The following NRP1 variants were observed in gnomAD, a reference collection of about 807,000 sequenced individuals.
NRP1 encodes neuropilin-1.
A neutral mutation model predicts 106.7 loss-of-function variants in NRP1; 35 were observed. The observed-to-expected ratio is 0.33, with a 90% CI of 0.25 to 0.43. The LOEUF (loss-of-function observed/expected upper bound fraction) is 0.43, where lower values mean the gene tolerates loss of function less well. Ranked by LOEUF, NRP1 falls within the 20% of genes least tolerant of loss-of-function variation. The pLI, the probability that NRP1 is intolerant of heterozygous loss-of-function variation, is 1.00. For synonymous variants in NRP1, 437 were observed against 417.9 expected, an observed-to-expected ratio of 1.05 and a Z score of -0.56; for missense variants, 1,024 against 1,170.4, an observed-to-expected ratio of 0.87 and a Z score of 1.83.
At chr10:33,304,539 A>T (rs1252740367) in intron 2 of NRP1, among the ~76,000 whole-genome samples, 1 of 152,186 alleles carries the variant, frequency 6.6e-6, no homozygotes, top group Non-Finnish European at 1.5e-5. Flanking sequence ...GCACTAGGGC[A>T]CCAGAACCCC....
intron 2 of NRP1, among the ~76,000 whole-genome samples, chr10:33,312,800 G>A (rs917676141): frequency 6.6e-6 from 1 of 151,950 alleles, no homozygotes; most frequent in African/African-American, 2.4e-5. Context: ...ATTCCTTTGT[G>A]GTTTTTTTTT....
intron 2 of NRP1, among the ~76,000 whole-genome samples, chr10:33,298,292 C>T (rs554769633): frequency 3.3e-5 from 5 of 152,264 alleles, no homozygotes; most frequent in East Asian, 1.9e-4. Context: ...ACTGCCAGGG[C>T]GTAGAGAGTC....
intron 6 of NRP1, among the ~76,000 whole-genome samples, chr10:33,250,472 G>A (rs933414561): frequency 6.6e-6 from 1 of 152,200 alleles, no homozygotes; most frequent in Non-Finnish European, 1.5e-5. Flanking sequence ...GAGCAGCAAA[G>A]TCCCTGCATT....
At chr10:33,249,787 C>T (rs1005418468) in intron 6 of NRP1, among the ~76,000 whole-genome samples, 8 of 152,244 alleles carry the variant, frequency 5.3e-5, no homozygotes, top group South Asian at 2.1e-4. Flanking sequence ...ACTTCCTTCA[C>T]GCTCCTTCTC....
At chr10:33,249,248 G>A (rs986565654) in intron 6 of NRP1, among the ~76,000 whole-genome samples, 6 of 151,906 alleles carry the variant, frequency 3.9e-5, no homozygotes, top group Non-Finnish European at 7.4e-5. Flanking sequence ...AATAATTAAC[G>A]AATTAAATTC....
intron 2 of NRP1, among the ~76,000 whole-genome samples, chr10:33,278,795 T>G (rs1423916638): frequency 2.0e-5 from 3 of 152,144 alleles, no homozygotes; most frequent in Admixed American, 2.0e-4. Context: ...ATCTCACACA[T>G]TAAAAATGTA....
intron 2 of NRP1, among the ~76,000 whole-genome samples, chr10:33,271,293 A>G (rs1843297653): frequency 6.6e-6 from 1 of 152,178 alleles, no homozygotes; most frequent in Non-Finnish European, 1.5e-5. Flanking sequence ...GCTCTCTATG[A>G]ACAATACTTT....
intron 2 of NRP1, among the ~76,000 whole-genome samples, chr10:33,319,285 TG>T (rs1475498879): frequency 6.6e-6 from 1 of 151,734 alleles, no homozygotes; most frequent in East Asian, 2.0e-4. Flanking sequence ...GGATTACAGG[TG>T]TGAGTCACCG....
Position 33,294,819 on chromosome 10 carries a change from A to G in NRP1, c.249-23963T>C, listed in dbSNP as rs186047232. ...CCTTCGTTTCCTCATCTGCAACCTA[A>G]GGGGATTACCCTAGAAGATCTCTAA... On this transcript the variant is annotated intron_variant, in intron 2 of 16. Coordinates refer to ENST00000374867, the MANE Select transcript of NRP1 (RefSeq NM_003873.7). Among the ~76,000 whole-genome samples, 12 of 152,206 alleles carry G rather than the reference A, an allele frequency of 7.9e-5. No individual in the cohort carries two copies. The East Asian group carries it at 2.1e-3, about 27-fold the overall frequency.
chr10:33,240,764 C>T (rs968234851), intron 6 of NRP1, among the ~76,000 whole-genome samples: 2 of 152,068 alleles, frequency 1.3e-5, no homozygotes, highest in African/African-American at 4.8e-5. Context: ...AGATTAAAGT[C>T]GGCTGCCAGC....
intron 2 of NRP1, among the ~76,000 whole-genome samples, chr10:33,304,640 C>A (rs1359751857): frequency 6.6e-6 from 1 of 152,114 alleles, no homozygotes; most frequent in Non-Finnish European, 1.5e-5. Context: ...TCCTTATGTT[C>A]TCTGGGGGAT....
intron 6 of NRP1, among the ~76,000 whole-genome samples, chr10:33,251,581 C>T (rs1841861940): frequency 6.6e-6 from 1 of 152,166 alleles, no homozygotes; most frequent in South Asian, 2.1e-4. Flanking sequence ...CATGTTTTCT[C>T]ATTGGCAAAA....
intron 6 of NRP1, among the ~76,000 whole-genome samples, chr10:33,248,869 G>A (rs1841622314): frequency 6.6e-6 from 1 of 152,138 alleles, no homozygotes; most frequent in Non-Finnish European, 1.5e-5. Flanking sequence ...ACCATTCTCT[G>A]CTCCTCCAGA....
chr10:33,271,058 A>C (rs1165238970), intron 2 of NRP1, among the ~76,000 whole-genome samples: 1 of 152,246 alleles, frequency 6.6e-6, no homozygotes, highest in African/African-American at 2.4e-5. Flanking sequence ...GTCTGTATAC[A>C]TCTGGCAACA....
rs931745220 is a variant in NRP1, at chr10:33,249,247, C to T, written c.981+4781G>A. ...ATTAATAAAACATTGAAATAATTAA[C>T]GAATTAAATTCTGCTTTGCGTGTCA... is the stretch of plus-strand genomic sequence containing the variant. On this transcript the variant is annotated intron_variant, in intron 6 of 16. Transcript: ENST00000374867. Among the ~76,000 whole-genome samples, 9 of 152,078 alleles carry T rather than the reference C, an allele frequency of 5.9e-5. No individual in the cohort carries two copies. The East Asian group carries it at 1.7e-3, about 29-fold the overall frequency.
intron 1 of NRP1, among the ~76,000 whole-genome samples, chr10:33,331,150 C>T (rs1848258349): frequency 6.6e-6 from 1 of 152,172 alleles, no homozygotes; most frequent in African/African-American, 2.4e-5. Flanking sequence ...AGGAAAAGGT[C>T]TTCTAGCATT....
rs150134994 is a variant in NRP1, at chr10:33,332,814, G to A, written c.73+1496C>T. ...AAGCATAGCGACATGGCTTTTGCTG[G>A]TAAAGCTCAACAACTAAAGCCAGAT... On this transcript the variant is annotated intron_variant, in intron 1 of 16. Transcript: ENST00000374867. 2.7e-3 allele frequency among the ~76,000 whole-genome samples: 413 copies of A among 152,204 alleles called. 3 individuals are homozygous for A. The highest frequency in any genetic ancestry group is 0.01 in the Middle Eastern group (3 of 292).
At chr10:33,218,876 AACC>A (rs1462551822) in intron 8 of NRP1, among the ~76,000 whole-genome samples, 4 of 152,156 alleles carry the variant, frequency 2.6e-5, no homozygotes, top group Admixed American at 2.6e-4. Flanking sequence ...ATTCAAAAGT[AACC>A]ACCAAGCATT....
chr10:33,250,400 T>C (rs2383987), intron 6 of NRP1, among the ~76,000 whole-genome samples: 13,122 of 152,020 alleles, frequency 0.086, 644 homozygotes, highest in Middle Eastern at 0.2. Context: ...CGAAAAACGG[T>C]AATTTTACCT....
Sources: gnomAD v4.1 joint callset for allele counts (sites outside exome capture counted in the v4.1 genomes callset) on GRCh38, gnomAD v4.1.1 for gene constraint, MANE v1.5 for transcripts, NCBI Gene and HGNC (gene_info 2026-07-23, HGNC 2026-07-21) for gene names.